Variants in ADAMTSL3 observed in about 807,000 individuals in gnomAD.
ADAMTSL3 encodes ADAMTS-like protein 3.
Under a neutral mutation model 201.7 loss-of-function variants are expected in ADAMTSL3, and 128 were observed. The observed-to-expected ratio is 0.63, with a 90% CI of 0.55 to 0.73. The LOEUF is 0.73. Ranked by LOEUF, ADAMTSL3 falls within the 30% of genes least tolerant of loss-of-function variation. The pLI is 0.00. For synonymous variants in ADAMTSL3, 738 were observed against 748.4 expected (o/e 0.99, Z 0.23); for missense variants, 1,990 against 2,119.6 (o/e 0.94, Z 1.20).
intron 3 of ADAMTSL3, among the ~76,000 whole-genome samples, chr15:83,761,703 A>T (rs1421862275): frequency 6.6e-6 from 1 of 152,240 alleles, no homozygotes; most frequent in Non-Finnish European, 1.5e-5. Flanking sequence ...AAGAGCATAG[A>T]TAATATCCTA....
At chr15:83,809,211 A>T (rs958035816) in intron 5 of ADAMTSL3, among the ~76,000 whole-genome samples, 2 of 152,216 alleles carry the variant, frequency 1.3e-5, no homozygotes, top group East Asian at 3.8e-4. Flanking sequence ...TGTTCATTAT[A>T]TAATGTATAC....
chr15:83,881,387 A>G (rs145935377), intron 9 of ADAMTSL3, among the ~76,000 whole-genome samples: 6 of 152,324 alleles, frequency 3.9e-5, no homozygotes, highest in African/African-American at 1.2e-4. Context: ...AGATCTGTCC[A>G]GTTTCTCAGC....
chr15:83,970,500 G>C lies in ADAMTSL3; in HGVS notation c.2507G>C (p.Gly836Ala). ...TCATTTCAGTGTTCTGTCAGTTGTGGTGTTGGAATCCAGAGAAGAAAGCAG... is the reference window on the plus strand; with the variant it reads ...TCATTTCAGTGTTCTGTCAGTTGTGCTGTTGGAATCCAGAGAAGAAAGCAG... ...GDWSKCSVSCGVGIQRRKQVC... is the reference protein window; with the variant it reads ...GDWSKCSVSCAVGIQRRKQVC... Residue 836 changes from glycine (G) to alanine (A), a missense_variant, in exon 20 of 30, where the codon GGT (glycine) becomes GCT (alanine). Coordinates refer to ENST00000286744, the MANE Select transcript of ADAMTSL3 (RefSeq NM_207517.3). The C allele has an allele frequency of 1.2e-6, 2 of 1,614,164 alleles. No individual in the cohort carries two copies. The highest frequency in any genetic ancestry group is 1.7e-6 in the Non-Finnish European group (2 of 1,180,028).
At chr15:83,855,273 T>G (rs1161362134) in intron 7 of ADAMTSL3, among the ~76,000 whole-genome samples, 1 of 152,110 alleles carries the variant, frequency 6.6e-6, no homozygotes, top group East Asian at 1.9e-4. Context: ...ATGTTGGAGT[T>G]TTTCAAAACC....
intron 3 of ADAMTSL3, among the ~76,000 whole-genome samples, chr15:83,763,949 G>A (rs2141715160): frequency 6.6e-6 from 1 of 152,278 alleles, no homozygotes; most frequent in South Asian, 2.1e-4. Context: ...CTCTCATTCT[G>A]TACACACAGG....
chr15:83,840,841 A>G (rs2064358578), intron 7 of ADAMTSL3, among the ~76,000 whole-genome samples: 1 of 152,224 alleles, frequency 6.6e-6, no homozygotes, highest in East Asian at 1.9e-4. Flanking sequence ...TTTTCTAACA[A>G]AAAGCCTGGA....
chr15:83,887,714 C>T (rs981387788), intron 10 of ADAMTSL3, among the ~76,000 whole-genome samples: 27 of 152,122 alleles, frequency 1.8e-4, no homozygotes, highest in African/African-American at 6.0e-4. Context: ...CTCAGCTTCC[C>T]GAGTAGCTGG....
At chr15:83,809,570 TTTC>T (rs1323769763) in intron 5 of ADAMTSL3, among the ~76,000 whole-genome samples, 1 of 152,240 alleles carries the variant, frequency 6.6e-6, no homozygotes, top group Non-Finnish European at 1.5e-5. Flanking sequence ...TATCTCCCCT[TTTC>T]TTTAAATAGA....
At chr15:83,737,804 G>A (rs1319663923) in intron 3 of ADAMTSL3, among the ~76,000 whole-genome samples, 1 of 152,112 alleles carries the variant, frequency 6.6e-6, no homozygotes, top group African/African-American at 2.4e-5. Context: ...AGAATGTTAA[G>A]AATTAGGAGA....
intron 26 of ADAMTSL3, among the ~76,000 whole-genome samples, chr15:84,023,830 G>C (rs2068249052): frequency 6.6e-6 from 1 of 152,164 alleles, no homozygotes; most frequent in Non-Finnish European, 1.5e-5. Context: ...CTGTGCCACA[G>C]CTCCCTCTGG....
At chr15:83,746,930 G>T (rs1396945313) in intron 3 of ADAMTSL3, among the ~76,000 whole-genome samples, 1 of 152,186 alleles carries the variant, frequency 6.6e-6, no homozygotes, top group African/African-American at 2.4e-5. Flanking sequence ...TTGTACTAAT[G>T]TAAGGCAATA....
chr15:83,936,535 A>T lies in ADAMTSL3; in HGVS notation c.2118-6061A>T, dbSNP rs918685606. On this transcript the variant is annotated intron_variant, in intron 17 of 29. Coordinates refer to ENST00000286744, the MANE Select transcript of ADAMTSL3 (RefSeq NM_207517.3). Reference sequence around the variant, plus strand: ...GAACAACTGTAGACTTTTGTTATAAACATTTATAGTTATGCTATAAAAACC... The same window carrying T: ...GAACAACTGTAGACTTTTGTTATAATCATTTATAGTTATGCTATAAAAACC... Among the ~76,000 whole-genome samples, 34 of 151,200 alleles carry T rather than the reference A, an allele frequency of 2.2e-4. 2 individuals carry two copies. Among genetic ancestry groups the T allele is most frequent in the African/African-American group, 8.1e-4 (33 of 40,570 alleles).
At chr15:84,020,610 G>C (rs2068184776) in intron 25 of ADAMTSL3, among the ~76,000 whole-genome samples, 2 of 152,332 alleles carry the variant, frequency 1.3e-5, no homozygotes, top group Admixed American at 6.5e-5. Flanking sequence ...ATGTGAGAGA[G>C]CCTGTGGACA....
At chr15:83,996,883 A>C (rs1441967075) in intron 23 of ADAMTSL3, among the ~76,000 whole-genome samples, 1 of 151,754 alleles carries the variant, frequency 6.6e-6, no homozygotes, top group East Asian at 1.9e-4. Context: ...AAATGTTCTC[A>C]TTTCCACACT....
At chr15:83,835,078 C>CA (rs1381300894) in intron 6 of ADAMTSL3, among the ~76,000 whole-genome samples, 1 of 151,728 alleles carries the variant, frequency 6.6e-6, no homozygotes, top group Non-Finnish European at 1.5e-5. Context: ...ACTGAAAATA[C>CA]AAAAAATTAG....
chr15:83,778,065 A>G (rs1429501009), intron 4 of ADAMTSL3, among the ~76,000 whole-genome samples: 2 of 152,230 alleles, frequency 1.3e-5, no homozygotes, highest in East Asian at 3.8e-4. Flanking sequence ...TCAGACAAGA[A>G]TAGAGAAAAA....
At chr15:83,999,259 G>A (rs1252135373) in intron 23 of ADAMTSL3, among the ~76,000 whole-genome samples, 1 of 152,128 alleles carries the variant, frequency 6.6e-6, no homozygotes, top group Non-Finnish European at 1.5e-5. Context: ...CCCTTCTCTT[G>A]TTTTTGGAAA....
At chr15:83,727,113 A>G (rs536947361) in intron 3 of ADAMTSL3, among the ~76,000 whole-genome samples, 2 of 151,612 alleles carry the variant, frequency 1.3e-5, no homozygotes, top group East Asian at 3.9e-4. Context: ...TTCCTGGTTC[A>G]ATCTTGGTAG....
In ADAMTSL3 at chr15:83,950,892, T is replaced by A. The variant is rs186379362; in HGVS notation, c.2490+7810T>A. On this transcript the variant is annotated intron_variant, in intron 19 of 29. Coordinates refer to ENST00000286744, the MANE Select transcript of ADAMTSL3 (RefSeq NM_207517.3). ...TGAATTTGTTTATCAGTTCTAATAG[T>A]TTTTTGGTGGAGTCTTTAGGTTTTT... Among the ~76,000 whole-genome samples the A allele has an allele frequency of 4.7e-3, 721 of 152,180 alleles. 6 individuals are homozygous for A. The highest frequency in any genetic ancestry group is 0.017 in the African/African-American group (693 of 41,566).
Sources: gnomAD v4.1 joint callset for allele counts (sites outside exome capture counted in the v4.1 genomes callset) on GRCh38, gnomAD v4.1.1 for gene constraint, MANE v1.5 for transcripts, NCBI Gene and HGNC (gene_info 2026-07-23, HGNC 2026-07-21) for gene names.